The following EXOC6 variants were observed in gnomAD, a reference collection of about 807,000 sequenced individuals.
The protein encoded by EXOC6 is SEC15-like 1.
EXOC6 carries 60 observed loss-of-function variants against 112.5 expected under a neutral mutation model. The observed-to-expected ratio is 0.53, with a 90% CI of 0.43 to 0.66. EXOC6 has a LOEUF of 0.66. EXOC6 is among the 30% of genes least tolerant of loss of function. The pLI is 0.00. For missense variants in EXOC6, 855 were observed against 957.1 expected, an observed-to-expected ratio of 0.89 and a Z score of 1.41; for synonymous variants, 295 against 308.0, an observed-to-expected ratio of 0.96 and a Z score of 0.44.
chr10:92,869,614 G>C (rs989466245), intron 1 of EXOC6, among the ~76,000 whole-genome samples: 1 of 152,028 alleles, frequency 6.6e-6, no homozygotes, highest in African/African-American at 2.4e-5. Context: ...CTAGACAGGG[G>C]CCTTACATTG....
chr10:92,945,718 T>C (rs959266055), intron 13 of EXOC6, among the ~76,000 whole-genome samples: 4 of 152,190 alleles, frequency 2.6e-5, no homozygotes, highest in African/African-American at 9.6e-5. Context: ...TCATCATTTT[T>C]ATTTTTATTT....
chr10:92,929,384 C>T (rs1456187611), intron 9 of EXOC6, among the ~76,000 whole-genome samples: 2 of 152,182 alleles, frequency 1.3e-5, no homozygotes, highest in African/African-American at 4.8e-5. Context: ...TCAAGTATTT[C>T]CATCCTGATA....
chr10:92,918,818 G>T (rs1371044119), intron 7 of EXOC6, among the ~76,000 whole-genome samples: 1 of 152,048 alleles, frequency 6.6e-6, no homozygotes, highest in Non-Finnish European at 1.5e-5. Context: ...ATATATTTGT[G>T]TGAATATGTA....
Position 92,909,334 on chromosome 10 carries a change from GAATA to G in EXOC6, c.459-91_459-88del, listed in dbSNP as rs138326728. 533 of 832,208 alleles carry G rather than the reference GAATA, an allele frequency of 6.4e-4. 1 individual carries two copies. The African/African-American group carries it at 8.6e-3, about 13-fold the overall frequency. 51.6% of individuals were successfully genotyped at this position (832,208 alleles called of 1,614,324 possible). On this transcript the variant is annotated intron_variant, in intron 5 of 21. Transcript: ENST00000260762. The stretch of plus-strand genomic sequence containing the variant: ...TAACTAGGACTAGGTCCTTTTTGAT[GAATA>G]ATCAGTGTAAAACTGATTATTTAGA...
intron 20 of EXOC6, among the ~76,000 whole-genome samples, chr10:93,039,144 A>G (rs1845652622): frequency 6.6e-6 from 1 of 152,284 alleles, no homozygotes; most frequent in Admixed American, 6.5e-5. Context: ...GAAAATTTTT[A>G]CTAATATACA....
chr10:93,022,939 G>A (rs1037889586), intron 20 of EXOC6, among the ~76,000 whole-genome samples: 4 of 150,532 alleles, frequency 2.7e-5, no homozygotes, highest in Non-Finnish European at 5.9e-5. Flanking sequence ...AATATAAAGG[G>A]GTTGCTAACA....
At chr10:93,014,117 A>G in intron 19 of EXOC6, 77 bp from the exon 20 acceptor site, 1 of 1,040,796 alleles carries the variant, frequency 9.6e-7, no homozygotes, top group South Asian at 1.5e-5. Flanking sequence ...TATAATGAGT[A>G]GAAATTAATT....
chr10:92,940,424 T>C (rs541780734), intron 12 of EXOC6, among the ~76,000 whole-genome samples: 3 of 152,258 alleles, frequency 2.0e-5, no homozygotes, highest in South Asian at 2.1e-4. Context: ...TAAAAACTTA[T>C]CTTGAATTTT....
intron 1 of EXOC6, among the ~76,000 whole-genome samples, chr10:92,842,822 A>G (rs1846906244): frequency 1.3e-5 from 2 of 152,266 alleles, no homozygotes; most frequent in African/African-American, 4.8e-5. Context: ...GAGGGCTTTC[A>G]GGACATTTTT....
chr10:92,974,452 A>G (rs1295949599), intron 18 of EXOC6, among the ~76,000 whole-genome samples: 1 of 149,284 alleles, frequency 6.7e-6, no homozygotes, highest in Non-Finnish European at 1.5e-5. Context: ...CTTTCCACCA[A>G]AGCCAAGGCA....
chr10:93,025,081 T>A (rs988584558), intron 20 of EXOC6, among the ~76,000 whole-genome samples: 1 of 152,188 alleles, frequency 6.6e-6, no homozygotes, highest in African/African-American at 2.4e-5. Flanking sequence ...AGTGATGAGC[T>A]GAAGCCAACA....
At chr10:92,851,671 A>G (rs2133629962) in intron 1 of EXOC6, among the ~76,000 whole-genome samples, 1 of 151,726 alleles carries the variant, frequency 6.6e-6, no homozygotes, top group South Asian at 2.1e-4. Flanking sequence ...AACAAAAACA[A>G]ACAAAAAAAA....
intron 20 of EXOC6, among the ~76,000 whole-genome samples, chr10:93,039,054 C>T (rs1268559339): frequency 6.6e-6 from 1 of 152,056 alleles, no homozygotes; most frequent in Non-Finnish European, 1.5e-5. Context: ...CATGGTGGCT[C>T]ATGCCTGTAA....
intron 1 of EXOC6, among the ~76,000 whole-genome samples, chr10:92,880,830 A>G (rs935569115): frequency 3.3e-5 from 5 of 152,218 alleles, no homozygotes; most frequent in Non-Finnish European, 2.9e-5. Context: ...GACAGCACCA[A>G]AAAGGACTAG....
intron 12 of EXOC6, among the ~76,000 whole-genome samples, chr10:92,938,765 C>T (rs1852497214): frequency 6.6e-6 from 1 of 152,090 alleles, no homozygotes; most frequent in Non-Finnish European, 1.5e-5. Flanking sequence ...AAGAAATTCA[C>T]AGTTTACTTA....
intron 2 of EXOC6, 37 bp downstream of exon 2, chr10:92,893,557 A>G (rs1849609320): frequency 2.6e-6 from 4 of 1,529,212 alleles, no homozygotes; most frequent in South Asian, 1.2e-5. Flanking sequence ...CTTTGTTCTC[A>G]TTAAATTACT....
intron 1 of EXOC6, among the ~76,000 whole-genome samples, chr10:92,838,274 A>G (rs900010460): frequency 1.3e-5 from 2 of 152,156 alleles, no homozygotes; most frequent in Admixed American, 6.5e-5. Flanking sequence ...TCAATGGCCT[A>G]TAATGCCTTT....
At chr10:92,980,921 G>A (rs1842803631) in intron 18 of EXOC6, among the ~76,000 whole-genome samples, 1 of 152,074 alleles carries the variant, frequency 6.6e-6, no homozygotes, top group African/African-American at 2.4e-5. Flanking sequence ...CAGCTACTCG[G>A]GAGGCTGAGG....
intron 5 of EXOC6, among the ~76,000 whole-genome samples, chr10:92,902,980 A>G (rs1476916497): frequency 6.6e-6 from 1 of 152,134 alleles, no homozygotes; most frequent in African/African-American, 2.4e-5. Context: ...AGGTATTATG[A>G]ATAAGACTGC....
Sources: gnomAD v4.1 joint callset for allele counts (sites outside exome capture counted in the v4.1 genomes callset) on GRCh38, gnomAD v4.1.1 for gene constraint, MANE v1.5 for transcripts, NCBI Gene and HGNC (gene_info 2026-07-23, HGNC 2026-07-21) for gene names.